The following FREY1 variants were observed in gnomAD, a reference collection of about 807,000 sequenced individuals.
The protein encoded by FREY1 is Frey regulator of sperm-oocyte fusion 1, also known as protein Frey 1.
At chr11:45,907,242 C>A in the FREY1 span, 1 of 1,548,024 alleles carries the variant, frequency 6.5e-7, no homozygotes, top group Non-Finnish European at 8.7e-7. Context: ...ATGGCGAGAA[C>A]CATCTCCTAC....
At chr11:45,906,819 C>T in the FREY1 span, 103 of 1,610,574 alleles carry the variant, frequency 6.4e-5, no homozygotes, top group East Asian at 1.1e-4. Flanking sequence ...CTCTTAGGGG[C>T]GTCTCCACTG....
chr11:45,906,725 G>A, the FREY1 span: 3 of 1,576,174 alleles, frequency 1.9e-6, no homozygotes, highest in Non-Finnish European at 1.7e-6. Flanking sequence ...GTGGTAGGGG[G>A]CAGCTGGCTC....
At chr11:45,906,715 G>GTGGT in the FREY1 span, 4 of 1,576,614 alleles carry the variant, frequency 2.5e-6, no homozygotes, top group Non-Finnish European at 3.5e-6. Context: ...GAGGGCATGG[G>GTGGT]TGGTAGGGGG....
chr11:45,907,218 G>A, the FREY1 span: 196 of 1,554,764 alleles, frequency 1.3e-4, 2 homozygotes, highest in East Asian at 3.8e-3. Context: ...GCCCGGGGGT[G>A]CAGAGCCCCC....
chr11:45,906,676 G>A, the FREY1 span: 2 of 1,587,266 alleles, frequency 1.3e-6, no homozygotes, highest in East Asian at 2.2e-5. Context: ...GGGTGCTTGG[G>A]GAGGATGCCA....
the FREY1 span, chr11:45,907,006 G>GA: frequency 6.3e-7 from 1 of 1,587,388 alleles, no homozygotes; most frequent in South Asian, 1.1e-5. Flanking sequence ...CTTGTGAATG[G>GA]GGGGATGGCT....
the FREY1 span, chr11:45,906,590 A>G: frequency 6.4e-7 from 1 of 1,569,200 alleles, no homozygotes; most frequent in Non-Finnish European, 8.7e-7. Context: ...CATCATAGTA[A>G]TACTCGGCAA....
At chr11:45,907,223 G>A in the FREY1 span, 2 of 1,553,968 alleles carry the variant, frequency 1.3e-6, no homozygotes, top group South Asian at 2.4e-5. Context: ...GGGGTGCAGA[G>A]CCCCCAGCAT....
At chr11:45,906,852 G>A in the FREY1 span, 8 of 1,613,514 alleles carry the variant, frequency 5.0e-6, no homozygotes, top group Admixed American at 1.3e-4. Flanking sequence ...AGGGGAAGGG[G>A]ACAAGAGAGA....
At chr11:45,906,602 G>A in the FREY1 span, 2 of 1,580,572 alleles carry the variant, frequency 1.3e-6, no homozygotes, top group South Asian at 1.1e-5. Flanking sequence ...ACTCGGCAAG[G>A]TCGGGCCCGT....
At chr11:45,906,957 G>A in the FREY1 span, 26 of 1,613,402 alleles carry the variant, frequency 1.6e-5, no homozygotes, top group Middle Eastern at 8.3e-4. Context: ...GGGAGATGTC[G>A]GGGTGCTCAG....
At chr11:45,906,690 T>C in the FREY1 span, 5 of 1,584,374 alleles carry the variant, frequency 3.2e-6, no homozygotes, top group South Asian at 1.1e-5. Context: ...GATGCCATAG[T>C]CTAAAGAGAG....
At chr11:45,907,242 C>G in the FREY1 span, 2 of 1,548,026 alleles carry the variant, frequency 1.3e-6, no homozygotes, top group Non-Finnish European at 1.7e-6. Flanking sequence ...ATGGCGAGAA[C>G]CATCTCCTAC....
the FREY1 span, chr11:45,906,855 A>G: frequency 6.2e-7 from 1 of 1,613,570 alleles, no homozygotes; most frequent in African/African-American, 1.3e-5. Context: ...GGAAGGGGAC[A>G]AGAGAGATAC....
At chr11:45,907,026 G>T in the FREY1 span, 1 of 1,565,908 alleles carries the variant, frequency 6.4e-7, no homozygotes, top group African/African-American at 1.4e-5. Flanking sequence ...TCAGTGTGGG[G>T]GCACTTGGCA....
the FREY1 span, chr11:45,906,577 G>A: frequency 1.9e-6 from 3 of 1,552,570 alleles, no homozygotes; most frequent in East Asian, 4.5e-5. Context: ...GGTCATAGGT[G>A]TGCATCATAG....
At chr11:45,906,621 C>T in the FREY1 span, 62 of 1,590,758 alleles carry the variant, frequency 3.9e-5, 1 homozygote, top group South Asian at 3.9e-4. Context: ...GTCCCGCTTG[C>T]GCTGCTGGGC....
the FREY1 span, chr11:45,907,245 TCTCCTACA>T: frequency 6.5e-7 from 1 of 1,545,640 alleles, no homozygotes. Context: ...GCGAGAACCA[TCTCCTACA>T]CGGGTCCTGG....
chr11:45,906,988 G>GCCACCT, the FREY1 span: 1 of 1,603,600 alleles, frequency 6.2e-7, no homozygotes, highest in Non-Finnish European at 8.5e-7. Flanking sequence ...GAAGGCCACC[G>GCCACCT]CCACCTCCTT....
Sources: allele counts gnomAD v4.1 joint callset, GRCh38; gene constraint gnomAD v4.1.1; transcripts MANE v1.5; gene names NCBI Gene and HGNC (gene_info 2026-07-23, HGNC 2026-07-21).